The following ST3GAL3 variants were observed in gnomAD, a reference collection of about 807,000 sequenced individuals.
ST3GAL3 encodes the protein ST3 beta-galactoside alpha-2,3-sialyltransferase 3.
ST3GAL3 carries 21 observed loss-of-function variants against 50.1 expected under a neutral mutation model. That is an observed-to-expected ratio of 0.42 (90% CI 0.30 to 0.60). The LOEUF (loss-of-function observed/expected upper bound fraction) is 0.60, where lower values mean the gene tolerates loss of function less well. Among genes scored for constraint, ST3GAL3 ranks in the 20% least tolerant of loss-of-function variants. ST3GAL3 has a pLI of 0.19. For missense variants in ST3GAL3, 353 were observed against 489.4 expected (o/e 0.72, Z 2.63); for synonymous variants, 183 against 190.0 (o/e 0.96, Z 0.30).
chr1:43,730,522 A>C (rs2154083228), intron 1 of ST3GAL3, among the ~76,000 whole-genome samples: 1 of 138,062 alleles, frequency 7.2e-6, no homozygotes, highest in Admixed American at 7.1e-5. Context: ...TAGAAATACA[A>C]GTTTCTGATT....
intron 4 of ST3GAL3, among the ~76,000 whole-genome samples, chr1:43,819,443 C>T (rs189368278): frequency 7.2e-5 from 11 of 152,008 alleles, no homozygotes; most frequent in Non-Finnish European, 5.9e-5. Context: ...ATTTTTTCCC[C>T]CATCTATTAA....
chr1:43,924,038 C>G (rs1056806809), intron 11 of ST3GAL3, among the ~76,000 whole-genome samples: 6 of 152,256 alleles, frequency 3.9e-5, no homozygotes, highest in African/African-American at 1.4e-4. Flanking sequence ...TATATGAATT[C>G]ATGGGGAGGA....
intron 1 of ST3GAL3, among the ~76,000 whole-genome samples, chr1:43,723,280 T>A (rs1671360239): frequency 6.6e-6 from 1 of 152,108 alleles, no homozygotes; most frequent in African/African-American, 2.4e-5. Flanking sequence ...AGCTAAGTTT[T>A]GTATTTTTAG....
At chr1:43,851,216 T>C (rs1172396031) in intron 5 of ST3GAL3, 11 of 1,523,216 alleles carry the variant, frequency 7.2e-6, no homozygotes, top group African/African-American at 1.4e-5. Context: ...AGTGTCTGGG[T>C]TCACCTTATA....
chr1:43,920,248 C>G (rs952195990), intron 9 of ST3GAL3, 156 bp from the exon 10 acceptor site: 4 of 829,382 alleles, frequency 4.8e-6, no homozygotes, highest in African/African-American at 1.7e-5. Flanking sequence ...CTCCATTTCC[C>G]CAAACACAGA....
Position 43,744,655 on chromosome 1 carries a change from A to AAAATAATTAAAT in ST3GAL3, c.118+8281_118+8282insTTAAATAAATAA, listed in dbSNP as rs1682696448. The stretch of plus-strand genomic sequence containing the variant: ...GGGACAGAGCGAGACTCCCTCTCAA[A>AAAATAATTAAAT]AAATAAATAAATAAATAAATAAATA... On this transcript the variant is annotated intron_variant, in intron 2 of 11. Coordinates refer to ENST00000347631, the MANE Select transcript of ST3GAL3 (RefSeq NM_006279.5). Among the ~76,000 whole-genome samples the AAAATAATTAAAT allele has an allele frequency of 2.8e-5, 4 of 140,944 alleles. No homozygotes were observed. The South Asian group carries it at 8.8e-4, about 31-fold the overall frequency. 92.5% of individuals were successfully genotyped at this position (140,944 alleles called of 152,430 possible).
At chr1:43,905,071 C>T (rs369273255) in intron 9 of ST3GAL3, among the ~76,000 whole-genome samples, 85 of 95,186 alleles carry the variant, frequency 8.9e-4, no homozygotes, top group East Asian at 7.9e-3. Context: ...CTCCTCCTCC[C>T]CCTGCTCCTC....
intron 2 of ST3GAL3, among the ~76,000 whole-genome samples, chr1:43,758,167 C>T (rs1260402911): frequency 2.9e-5 from 4 of 138,912 alleles, no homozygotes; most frequent in Admixed American, 2.8e-4. Context: ...ATACCACCCC[C>T]CCCCCCAAAA....
chr1:43,819,433 AT>A (rs1156485336), intron 4 of ST3GAL3, among the ~76,000 whole-genome samples: 2 of 152,000 alleles, frequency 1.3e-5, no homozygotes, highest in South Asian at 2.1e-4. Context: ...ATGCTCTTTG[AT>A]TTTTTCCCCC....
chr1:43,771,158 T>C (rs1422886150), intron 2 of ST3GAL3, among the ~76,000 whole-genome samples: 2 of 152,338 alleles, frequency 1.3e-5, no homozygotes, highest in East Asian at 3.9e-4. Context: ...GTCATGGCTG[T>C]TTCCCTTTGG....
chr1:43,909,631 A>G (rs2080443956), intron 9 of ST3GAL3, among the ~76,000 whole-genome samples: 5 of 152,286 alleles, frequency 3.3e-5, no homozygotes, highest in Admixed American at 3.3e-4. Context: ...AAGGATAGAA[A>G]TCAAATCCCT....
chr1:43,917,862 G>C (rs573591249), intron 9 of ST3GAL3, among the ~76,000 whole-genome samples: 1 of 147,984 alleles, frequency 6.8e-6, no homozygotes, highest in African/African-American at 2.5e-5. Context: ...TAGAAACGGG[G>C]TTTCACCATG....
At chr1:43,719,474 C>A (rs1437896236) in intron 1 of ST3GAL3, among the ~76,000 whole-genome samples, 1 of 151,972 alleles carries the variant, frequency 6.6e-6, no homozygotes, top group African/African-American at 2.4e-5. Flanking sequence ...CCAGCCTGGG[C>A]AACATGTTGA....
intron 9 of ST3GAL3, chr1:43,913,375 C>A (rs1486833821): frequency 6.6e-6 from 1 of 152,182 alleles, no homozygotes; most frequent in Non-Finnish European, 1.5e-5. Context: ...CTTCTCAGCC[C>A]TATTGTATGC....
At chr1:43,744,314 A>AT (rs1479943822) in intron 2 of ST3GAL3, among the ~76,000 whole-genome samples, 1 of 151,642 alleles carries the variant, frequency 6.6e-6, no homozygotes, top group Non-Finnish European at 1.5e-5. Flanking sequence ...CAGTGGAGTG[A>AT]TTTTAGCTCA....
intron 1 of ST3GAL3, among the ~76,000 whole-genome samples, chr1:43,714,033 G>A (rs2154061165): frequency 6.6e-6 from 1 of 152,242 alleles, no homozygotes; most frequent in African/African-American, 2.4e-5. Context: ...GGAGGCCGAG[G>A]TGGGTGGATT....
intron 7 of ST3GAL3, among the ~76,000 whole-genome samples, chr1:43,898,806 A>G (rs530255129): frequency 2.3e-4 from 35 of 152,086 alleles, no homozygotes; most frequent in Non-Finnish European, 3.5e-4. Context: ...AGCTCGGCCC[A>G]CTTTTCCCTC....
At chr1:43,888,639 T>C (rs1480450096) in intron 5 of ST3GAL3, among the ~76,000 whole-genome samples, 1 of 152,080 alleles carries the variant, frequency 6.6e-6, no homozygotes, top group African/African-American at 2.4e-5. Context: ...GAAAAAGAAC[T>C]GCAAATGGCT....
At chr1:43,878,564 G>A (rs2074515713) in intron 5 of ST3GAL3, among the ~76,000 whole-genome samples, 1 of 152,196 alleles carries the variant, frequency 6.6e-6, no homozygotes, top group South Asian at 2.1e-4. Context: ...CTCTAGTCAA[G>A]GCCCTAAGGC....
Sources: gnomAD v4.1 joint callset for allele counts (sites outside exome capture counted in the v4.1 genomes callset) on GRCh38, gnomAD v4.1.1 for gene constraint, MANE v1.5 for transcripts, NCBI Gene and HGNC (gene_info 2026-07-23, HGNC 2026-07-21) for gene names.